ADGRB3: variants seen among roughly 807,000 people sequenced by gnomAD.
ADGRB3 encodes adhesion G protein-coupled receptor B3.
Under a neutral mutation model 193.4 loss-of-function variants are expected in ADGRB3, and 37 were observed. The ratio of observed to expected loss-of-function variants is 0.19; its 90% CI spans 0.15 to 0.25. ADGRB3 has a LOEUF of 0.25. Among genes scored for constraint, ADGRB3 ranks in the 10% least tolerant of loss-of-function variants. The probability of loss-of-function intolerance (pLI) is 1.00; values close to 1 mark genes in which losing one functional copy is unlikely to be tolerated. For missense variants in ADGRB3, 1,637 were observed against 1,852.9 expected, an observed-to-expected ratio of 0.88 and a Z score of 2.14; for synonymous variants, 690 against 644.2, an observed-to-expected ratio of 1.07 and a Z score of -1.08.
chr6:68,897,343 A>G (rs951313634), intron 3 of ADGRB3, among the ~76,000 whole-genome samples: 1 of 147,060 alleles, frequency 6.8e-6, no homozygotes, highest in Non-Finnish European at 1.5e-5. Context: ...CCTGGGCAAC[A>G]GAGGTTATTT....
At position 69,284,172 on chromosome 6, in the gene ADGRB3, C is replaced by T. The variant is rs147514138; in HGVS notation, c.2815-40700C>T. On this transcript the variant is annotated intron_variant, in intron 20 of 31. Coordinates refer to ENST00000370598, the MANE Select transcript of ADGRB3 (RefSeq NM_001704.3). ...GAATGGATCATCTATCACCCTTCACCTTGCCTGGCAGTGCTGGCCTGAAGC... is the reference window on the plus strand; with the variant it reads ...GAATGGATCATCTATCACCCTTCACTTTGCCTGGCAGTGCTGGCCTGAAGC... Among the ~76,000 whole-genome samples the T allele has an allele frequency of 8.9e-4, 135 of 152,260 alleles. No homozygotes were observed. The Middle Eastern group carries it at 0.024, about 27-fold the overall frequency.
At chr6:69,361,804 A>AACTT (rs1769460497) in intron 29 of ADGRB3, among the ~76,000 whole-genome samples, 1 of 151,500 alleles carries the variant, frequency 6.6e-6, no homozygotes, top group Admixed American at 6.6e-5. Flanking sequence ...CATGGGAACT[A>AACTT]AGGCACTCAT....
At chr6:68,857,056 A>T (rs1204306327) in intron 3 of ADGRB3, among the ~76,000 whole-genome samples, 1 of 152,192 alleles carries the variant, frequency 6.6e-6, no homozygotes, top group East Asian at 1.9e-4. Context: ...AAGGGCACAG[A>T]AGTCAACTAT....
At chr6:68,879,806 A>G (rs143412689) in intron 3 of ADGRB3, among the ~76,000 whole-genome samples, 1 of 152,168 alleles carries the variant, frequency 6.6e-6, no homozygotes, top group African/African-American at 2.4e-5. Context: ...CAGAGTTACT[A>G]TAAGCCTCAT....
At position 69,251,248 on chromosome 6, in the gene ADGRB3, T is replaced by C. The variant is rs61642408; in HGVS notation, c.2814+12022T>C. Among the ~76,000 whole-genome samples, 450 of 152,332 alleles carry C rather than the reference T, an allele frequency of 3.0e-3. 1 individual carries two copies. The highest frequency in any genetic ancestry group is 0.01 in the African/African-American group (423 of 41,582). On this transcript the variant is annotated intron_variant, in intron 20 of 31. Transcript: ENST00000370598. ...GCCTTGGGCTAGCCTAGTTAACTTATATTAACTTACGTATGTTCTGCAGAT... is the reference window on the plus strand; with the variant it reads ...GCCTTGGGCTAGCCTAGTTAACTTACATTAACTTACGTATGTTCTGCAGAT...
At chr6:69,115,966 C>A (rs1009026057) in intron 17 of ADGRB3, among the ~76,000 whole-genome samples, 1 of 152,152 alleles carries the variant, frequency 6.6e-6, no homozygotes, top group Non-Finnish European at 1.5e-5. Flanking sequence ...TTGGTTTGCA[C>A]AATTATGGAG....
At chr6:69,043,290 GAGAAAGAAAGAAAGAAAGAA>G (rs145178367) in intron 13 of ADGRB3, among the ~76,000 whole-genome samples, 220 of 88,088 alleles carry the variant, frequency 2.5e-3, no homozygotes, top group African/African-American at 9.6e-3. Context: ...GGAAGAAAGA[GAGAAAGAAAGAAAGAAAGAA>G]AGAAAGAAAG....
intron 17 of ADGRB3, among the ~76,000 whole-genome samples, chr6:69,219,460 C>CATATATATATATATAT (rs1561956677): frequency 1.8e-5 from 1 of 54,828 alleles, no homozygotes; most frequent in South Asian, 9.1e-4. Context: ...TACACACACA[C>CATATATATATATATAT]GTATATATAT....
At chr6:69,353,462 C>T (rs537106569) in intron 26 of ADGRB3, among the ~76,000 whole-genome samples, 7 of 152,270 alleles carry the variant, frequency 4.6e-5, no homozygotes, top group African/African-American at 1.4e-4. Flanking sequence ...AGATTTCTTA[C>T]ATGAGACATA....
intron 20 of ADGRB3, 47 bp downstream of exon 20, chr6:69,239,273 GC>G: frequency 3.8e-6 from 5 of 1,331,674 alleles, no homozygotes; most frequent in Non-Finnish European, 5.3e-6. Context: ...TTATATTTTG[GC>G]ATATTGTTAG....
intron 20 of ADGRB3, among the ~76,000 whole-genome samples, chr6:69,308,732 T>C (rs1768117650): frequency 6.6e-6 from 1 of 151,706 alleles, no homozygotes; most frequent in Non-Finnish European, 1.5e-5. Context: ...ACTAATTTCC[T>C]TCTAACTGAT....
chr6:68,841,399 T>C (rs1343592736), intron 3 of ADGRB3, among the ~76,000 whole-genome samples: 1 of 152,094 alleles, frequency 6.6e-6, no homozygotes, highest in Non-Finnish European at 1.5e-5. Flanking sequence ...TAATATCAGG[T>C]ACCTTCTCTG....
At chr6:69,087,504 T>G (rs1401892605) in intron 17 of ADGRB3, among the ~76,000 whole-genome samples, 1 of 152,128 alleles carries the variant, frequency 6.6e-6, no homozygotes, top group African/African-American at 2.4e-5. Flanking sequence ...CCAAAGAGCT[T>G]GCTTATCACT....
intron 1 of ADGRB3, among the ~76,000 whole-genome samples, chr6:68,636,959 A>C (rs200230342): frequency 1.3e-4 from 3 of 23,444 alleles, no homozygotes; most frequent in Non-Finnish European, 1.8e-4. Context: ...GTGCAACACC[A>C]AAAAAAAAAA....
intron 3 of ADGRB3, among the ~76,000 whole-genome samples, chr6:68,650,842 A>G (rs1287302840): frequency 6.6e-6 from 1 of 152,138 alleles, no homozygotes; most frequent in African/African-American, 2.4e-5. Context: ...GAAAAGAAGT[A>G]ACTGAAAAAA....
At chr6:68,788,824 G>C (rs1767033392) in intron 3 of ADGRB3, among the ~76,000 whole-genome samples, 1 of 152,192 alleles carries the variant, frequency 6.6e-6, no homozygotes, top group African/African-American at 2.4e-5. Flanking sequence ...CTTGCTTTAT[G>C]AATCTGGGTG....
intron 3 of ADGRB3, among the ~76,000 whole-genome samples, chr6:68,680,749 A>G (rs1227895427): frequency 6.6e-6 from 1 of 152,214 alleles, no homozygotes; most frequent in East Asian, 1.9e-4. Context: ...ATACACATGT[A>G]TATAAAATAG....
At chr6:68,689,687 T>A (rs1040000612) in intron 3 of ADGRB3, among the ~76,000 whole-genome samples, 1 of 151,974 alleles carries the variant, frequency 6.6e-6, no homozygotes, top group Non-Finnish European at 1.5e-5. Flanking sequence ...TTGTTTTTTT[T>A]ATGATGAACC....
At chr6:69,298,914 G>A (rs1767893687) in intron 20 of ADGRB3, among the ~76,000 whole-genome samples, 1 of 151,874 alleles carries the variant, frequency 6.6e-6, no homozygotes, top group Non-Finnish European at 1.5e-5. Context: ...TGGATTGCTG[G>A]ATCATATGGT....
Sources: gnomAD v4.1 joint callset for allele counts (sites outside exome capture counted in the v4.1 genomes callset) on GRCh38, gnomAD v4.1.1 for gene constraint, MANE v1.5 for transcripts, NCBI Gene and HGNC (gene_info 2026-07-23, HGNC 2026-07-21) for gene names.